Variants in RHPN2 observed in about 807,000 individuals in gnomAD.
The protein encoded by RHPN2 is rhophilin-2.
Under a neutral mutation model 79.0 loss-of-function variants are expected in RHPN2, and 40 were observed. The ratio of observed to expected loss-of-function variants is 0.51; its 90% CI spans 0.39 to 0.66. The LOEUF (loss-of-function observed/expected upper bound fraction) is 0.66. Among genes scored for constraint, RHPN2 ranks in the 30% least tolerant of loss-of-function variants. The pLI is 0.00. For synonymous variants in RHPN2, 285 were observed against 363.5 expected (o/e 0.78, Z 2.46); for missense variants, 686 against 883.5 (o/e 0.78, Z 2.83).
intron 2 of RHPN2, chr19:33,027,078 G>C (rs1358233724): frequency 2.1e-5 from 6 of 280,080 alleles, no homozygotes; most frequent in Non-Finnish European, 4.2e-5. Flanking sequence ...CCAACATATA[G>C]TGAAACTCTG....
Position 32,979,763 on chromosome 19 carries a change from A to G in RHPN2, c.*233T>C. ...CTATTCTATTTACAATACTTTATATAATAAATAACTTACAGCAGTATAGTA... is the reference window on the plus strand; with the variant it reads ...CTATTCTATTTACAATACTTTATATGATAAATAACTTACAGCAGTATAGTA... On this transcript the variant is annotated 3_prime_UTR_variant, in exon 15 of 15. Transcript: ENST00000254260. 1.8e-6 allele frequency: 1 copy of G among 542,264 alleles called. No individual in the cohort carries two copies. Among genetic ancestry groups the G allele is most frequent in the East Asian group, 3.2e-5 (1 of 31,162 alleles). The allele number at this position is 542,264 out of a possible 1,614,324, so 33.6% of individuals were successfully genotyped here.
intron 12 of RHPN2, among the ~76,000 whole-genome samples, chr19:32,992,818 A>G (rs919773762): frequency 6.6e-6 from 1 of 151,350 alleles, no homozygotes; most frequent in African/African-American, 2.4e-5. Context: ...TGTCTTAAAA[A>G]AAAAAAAAAA....
At chr19:33,002,769 T>A in intron 8 of RHPN2, 44 bp downstream of exon 8, 1 of 1,605,608 alleles carries the variant, frequency 6.2e-7, no homozygotes, top group Non-Finnish European at 8.5e-7. Context: ...TGTGCCAGCA[T>A]CTCCTGCCCA....
chr19:33,051,627 A>T, intron 1 of RHPN2: 1 of 189,642 alleles, frequency 5.3e-6, no homozygotes, highest in Non-Finnish European at 1.2e-5. Context: ...TCAGAATGTT[A>T]TCCTAGGTGA....
intron 11 of RHPN2, 80 bp downstream of exon 11, chr19:32,995,946 C>T (rs1971696791): frequency 6.5e-6 from 9 of 1,385,478 alleles, no homozygotes; most frequent in Non-Finnish European, 8.2e-6. Context: ...AGCGAGGGCT[C>T]GCTCAACCCC....
intron 1 of RHPN2, among the ~76,000 whole-genome samples, chr19:33,044,763 G>T (rs1242753452): frequency 1.3e-5 from 2 of 152,082 alleles, no homozygotes; most frequent in African/African-American, 4.8e-5. Flanking sequence ...GTGTGGTGGT[G>T]GGCGCCTATA....
chr19:32,992,042 G>A (rs1304287873), intron 12 of RHPN2, 73 bp from the exon 13 acceptor site: 7 of 1,572,180 alleles, frequency 4.5e-6, no homozygotes, highest in Non-Finnish European at 6.1e-6. Flanking sequence ...AGGGAATTTT[G>A]CCTGCTGTCC....
At chr19:33,003,823 C>T (rs1290953982) in intron 7 of RHPN2, among the ~76,000 whole-genome samples, 2 of 152,014 alleles carry the variant, frequency 1.3e-5, no homozygotes, top group Non-Finnish European at 1.5e-5. Context: ...GCTGGAAAAG[C>T]GGGCAATGGG....
chr19:33,007,442 A>G (rs1971800067), intron 7 of RHPN2, among the ~76,000 whole-genome samples: 1 of 151,646 alleles, frequency 6.6e-6, no homozygotes. Flanking sequence ...AGCCGAGACC[A>G]TGCCACTGCG....
intron 1 of RHPN2, among the ~76,000 whole-genome samples, chr19:33,047,552 C>A (rs191727108): frequency 6.6e-6 from 1 of 152,108 alleles, no homozygotes. Context: ...TCCCTGGGAG[C>A]GGTCTGGCGG....
chr19:33,022,520 A>C (rs1971933320), intron 3 of RHPN2, among the ~76,000 whole-genome samples: 1 of 152,260 alleles, frequency 6.6e-6, no homozygotes, highest in African/African-American at 2.4e-5. Flanking sequence ...TCAGGGCAGA[A>C]GCCCCATCTG....
chr19:33,055,733 TAAA>T (rs143391688), intron 1 of RHPN2, among the ~76,000 whole-genome samples: 1 of 136,304 alleles, frequency 7.3e-6, no homozygotes, highest in Non-Finnish European at 1.6e-5. Context: ...GCTTCTGGGT[TAAA>T]AAAAAAAAAA....
chr19:32,983,813 G>C (rs1380757425), intron 14 of RHPN2, among the ~76,000 whole-genome samples: 4 of 151,836 alleles, frequency 2.6e-5, no homozygotes, highest in Non-Finnish European at 5.9e-5. Context: ...TTTTAGTAGA[G>C]ACAGGGTTTC....
rs201313424 is a variant in RHPN2, at chr19:33,041,595, T to G, written c.185+2654A>C. 1.6e-3 allele frequency among the ~76,000 whole-genome samples: 242 copies of G among 152,232 alleles called. 1 individual carries two copies. Among genetic ancestry groups the G allele is most frequent in the Non-Finnish European group, 2.3e-3 (157 of 68,008 alleles). ...AGGCTCGGGCCTCAGAAAGGGTGAC[T>G]GCTGTTGTCGTTAAGAGAACAAGGC... On this transcript the variant is annotated intron_variant, in intron 2 of 14. Coordinates refer to ENST00000254260, the MANE Select transcript of RHPN2 (RefSeq NM_033103.5).
At chr19:33,042,059 C>T (rs573645485) in intron 2 of RHPN2, among the ~76,000 whole-genome samples, 3 of 152,176 alleles carry the variant, frequency 2.0e-5, no homozygotes, top group South Asian at 4.2e-4. Flanking sequence ...TGTGCTGGCA[C>T]GTGCCTGTAG....
intron 3 of RHPN2, among the ~76,000 whole-genome samples, chr19:33,026,177 G>A (rs934566458): frequency 2.0e-5 from 3 of 151,624 alleles, no homozygotes; most frequent in Admixed American, 2.0e-4. Flanking sequence ...TTTTAGCAGA[G>A]ACGGGGTTTC....
intron 1 of RHPN2, among the ~76,000 whole-genome samples, chr19:33,052,825 C>A (rs1486488495): frequency 6.6e-6 from 1 of 152,158 alleles, no homozygotes; most frequent in Non-Finnish European, 1.5e-5. Flanking sequence ...CCCCGGGAAT[C>A]CCAATCCATT....
intron 6 of RHPN2, among the ~76,000 whole-genome samples, chr19:33,011,001 T>C (rs1171827828): frequency 6.6e-6 from 1 of 152,180 alleles, no homozygotes; most frequent in Non-Finnish European, 1.5e-5. Context: ...ATTTAAACTA[T>C]ACTAACCTTT....
chr19:32,999,539 G>C lies in RHPN2; in HGVS notation c.1225+47C>G, dbSNP rs199733652. ...CTGTGGCTGGCTGTGAGCAGGACCAGCTGGGCACCAAGTGGGGCCCACATC... is the reference window on the plus strand; with the variant it reads ...CTGTGGCTGGCTGTGAGCAGGACCACCTGGGCACCAAGTGGGGCCCACATC... On this transcript the variant is annotated intron_variant, in intron 10 of 14. Coordinates refer to ENST00000254260, the MANE Select transcript of RHPN2 (RefSeq NM_033103.5). The C allele has an allele frequency of 4.1e-6, 6 of 1,472,258 alleles. No homozygotes were observed. The East Asian group carries it at 1.5e-4, about 36-fold the overall frequency. 91.2% of individuals were successfully genotyped at this position (1,472,258 alleles called of 1,614,324 possible). A position where few individuals can be genotyped will look rare whatever the true frequency, so the allele number is the denominator to read the frequency against.
Sources: allele counts gnomAD v4.1 joint callset (sites outside exome capture counted in the v4.1 genomes callset), GRCh38; gene constraint gnomAD v4.1.1; transcripts MANE v1.5; gene names NCBI Gene and HGNC (gene_info 2026-07-23, HGNC 2026-07-21).